DLGAP2: variants seen among roughly 807,000 people sequenced by gnomAD.
The protein encoded by DLGAP2 is disks large-associated protein 2.
In DLGAP2, 26 loss-of-function variants were observed where a neutral mutation model predicts 100.3. That is an observed-to-expected ratio of 0.26 (90% CI 0.19 to 0.36). The LOEUF is 0.36. Ranked by LOEUF, DLGAP2 falls within the 10% of genes least tolerant of loss-of-function variation. The pLI is 1.00. For synonymous variants in DLGAP2, 886 were observed against 630.1 expected, an observed-to-expected ratio of 1.41 and a Z score of -6.08; for missense variants, 1,858 against 1,453.2, an observed-to-expected ratio of 1.28 and a Z score of -4.53.
At chr8:1,088,142 C>T (rs367597720) in intron 2 of DLGAP2, among the ~76,000 whole-genome samples, 1 of 152,240 alleles carries the variant, frequency 6.6e-6, no homozygotes, top group Non-Finnish European at 1.5e-5. Context: ...ACCAAGGCGG[C>T]TGCTGGTCCA....
intron 1 of DLGAP2, among the ~76,000 whole-genome samples, chr8:852,258 C>G (rs1348808199): frequency 6.6e-6 from 1 of 152,194 alleles, no homozygotes; most frequent in African/African-American, 2.4e-5. Context: ...TCCGTGTCCC[C>G]TCTCCCTGCA....
At chr8:1,101,633 A>T (rs1040437133) in intron 2 of DLGAP2, among the ~76,000 whole-genome samples, 7 of 152,050 alleles carry the variant, frequency 4.6e-5, no homozygotes, top group Non-Finnish European at 7.4e-5. Flanking sequence ...CCCTGAGCCA[A>T]ACATGACACG....
At chr8:759,188 G>A (rs112282788) in intron 1 of DLGAP2, among the ~76,000 whole-genome samples, 5 of 31,546 alleles carry the variant, frequency 1.6e-4, no homozygotes, top group East Asian at 8.7e-4. Flanking sequence ...CAATACCCCC[G>A]ACAGCCTTCC....
At chr8:846,310 C>A (rs1326878473) in intron 1 of DLGAP2, among the ~76,000 whole-genome samples, 1 of 152,190 alleles carries the variant, frequency 6.6e-6, no homozygotes, top group Admixed American at 6.5e-5. Context: ...CTTACCCAAC[C>A]TCTGGTAACC....
intron 3 of DLGAP2, among the ~76,000 whole-genome samples, chr8:1,361,348 C>T (rs1454455719): frequency 2.0e-5 from 3 of 152,240 alleles, no homozygotes; most frequent in Non-Finnish European, 1.5e-5. Context: ...GTCTCTACTT[C>T]AGATGCTATT....
intron 1 of DLGAP2, among the ~76,000 whole-genome samples, chr8:867,503 G>T (rs537637033): frequency 6.6e-6 from 1 of 152,186 alleles, no homozygotes; most frequent in African/African-American, 2.4e-5. Context: ...AACAAAAGGG[G>T]AACAGTGTTG....
At chr8:1,260,716 G>T (rs1185619961) in intron 3 of DLGAP2, among the ~76,000 whole-genome samples, 4 of 152,236 alleles carry the variant, frequency 2.6e-5, no homozygotes, top group Non-Finnish European at 5.9e-5. Flanking sequence ...CCGGAGTCCT[G>T]GCTCAGGGAT....
At chr8:1,132,925 T>C (rs960717222) in intron 2 of DLGAP2, among the ~76,000 whole-genome samples, 3 of 152,210 alleles carry the variant, frequency 2.0e-5, no homozygotes, top group Admixed American at 1.3e-4. Context: ...AGAAAAATGT[T>C]AACTCGCTAG....
At chr8:746,226 C>A (rs906455963) in intron 1 of DLGAP2, among the ~76,000 whole-genome samples, 3 of 152,218 alleles carry the variant, frequency 2.0e-5, no homozygotes, top group African/African-American at 7.2e-5. Context: ...ACACCCCATG[C>A]GACTTATTTA....
chr8:1,626,879 G>T lies in DLGAP2; in HGVS notation c.1582G>T (p.Val528Leu). Residue 528 changes from valine (V) to leucine (L), a missense_variant, in exon 7 of 15, where the codon GTG becomes TTG. By Grantham distance (32) the Val-to-Leu change is conservative. Coordinates refer to ENST00000637795, the MANE Select transcript of DLGAP2 (RefSeq NM_001346810.2). ...AVSTLSQASC[V>L]SQVSEAEING... ...CAGCACCCTGAGCCAGGCCAGCTGC[G>T]TGAGCCAGGTCAGGGTCCCTTCGCC... The T allele has an allele frequency of 1.2e-6, 2 of 1,600,540 alleles. No homozygotes were observed. The highest frequency in any genetic ancestry group is 8.5e-7 in the Non-Finnish European group (1 of 1,173,876).
chr8:1,233,758 C>G (rs139191473), intron 2 of DLGAP2, among the ~76,000 whole-genome samples: 3 of 152,288 alleles, frequency 2.0e-5, no homozygotes, highest in African/African-American at 4.8e-5. Context: ...TTTAGGACAT[C>G]AGGGTCTCAC....
At position 745,344 on chromosome 8, in the gene DLGAP2, T is replaced by G. The variant is rs577970634; in HGVS notation, c.18+7519T>G. On this transcript the variant is annotated intron_variant, in intron 1 of 14. Transcript: ENST00000637795. Reference sequence around the variant, plus strand: ...ACCTTTTGTTGTGGCCATTTCAGAATGAAGCACTACTGGGTCTGAAACAAA... The same window carrying G: ...ACCTTTTGTTGTGGCCATTTCAGAAGGAAGCACTACTGGGTCTGAAACAAA... Among the ~76,000 whole-genome samples the G allele has an allele frequency of 7.9e-4, 120 of 152,368 alleles. 1 individual carries two copies. Among genetic ancestry groups the G allele is most frequent in the African/African-American group, 2.8e-3 (115 of 41,596 alleles).
chr8:821,384 T>G (rs537157959), intron 1 of DLGAP2, among the ~76,000 whole-genome samples: 81 of 152,342 alleles, frequency 5.3e-4, no homozygotes, highest in African/African-American at 1.9e-3. Context: ...ATCTTTCCAG[T>G]GTAACTTTAT....
In DLGAP2 at chr8:1,166,338, A is replaced by C. The variant is rs142030073; in HGVS notation, c.74-92513A>C. Among the ~76,000 whole-genome samples, 5 of 152,246 alleles carry C rather than the reference A, an allele frequency of 3.3e-5. No homozygotes were observed. The East Asian group carries it at 9.7e-4, about 29-fold the overall frequency. ...GCCCCGGCCTATAATTATCCTCTTC[A>C]TTCAGGACCGACATCTCCTTGAAGA... On this transcript the variant is annotated intron_variant, in intron 2 of 14. Transcript: ENST00000637795.
intron 6 of DLGAP2, among the ~76,000 whole-genome samples, chr8:1,575,503 T>A (rs1357459463): frequency 2.4e-5 from 3 of 127,224 alleles, no homozygotes; most frequent in Non-Finnish European, 5.4e-5. Context: ...AGTTCTAGGG[T>A]ACATGTGCAC....
intron 3 of DLGAP2, among the ~76,000 whole-genome samples, chr8:1,377,531 G>A (rs533332433): frequency 5.3e-4 from 80 of 152,180 alleles, no homozygotes; most frequent in Non-Finnish European, 8.7e-4. Context: ...GCGATAGAGC[G>A]AGACTCCGAC....
chr8:987,193 T>A (rs1800512430), intron 2 of DLGAP2, among the ~76,000 whole-genome samples: 1 of 152,178 alleles, frequency 6.6e-6, no homozygotes, highest in South Asian at 2.1e-4. Context: ...GATGGTGTCT[T>A]TGCAGGAGTG....
At chr8:809,186 T>C (rs1339414982) in intron 1 of DLGAP2, among the ~76,000 whole-genome samples, 1 of 152,230 alleles carries the variant, frequency 6.6e-6, no homozygotes, top group Non-Finnish European at 1.5e-5. Context: ...ATTATAGATG[T>C]GAGCCACTGC....
intron 13 of DLGAP2, among the ~76,000 whole-genome samples, chr8:1,694,746 G>A (rs188820500): frequency 8.3e-4 from 126 of 152,270 alleles, no homozygotes; most frequent in African/African-American, 2.8e-3. Flanking sequence ...AATGGACGCC[G>A]GATGCCAGAG....
Sources: gnomAD v4.1 joint callset for allele counts (sites outside exome capture counted in the v4.1 genomes callset) on GRCh38, gnomAD v4.1.1 for gene constraint, MANE v1.5 for transcripts, NCBI Gene and HGNC (gene_info 2026-07-23, HGNC 2026-07-21) for gene names.